The following PGM2 variants were observed in gnomAD, a reference collection of about 807,000 sequenced individuals.
PGM2 encodes the protein phosphopentomutase.
PGM2 carries 57 observed loss-of-function variants against 74.6 expected under a neutral mutation model. That is an observed-to-expected ratio of 0.76 (90% CI 0.62 to 0.95). The LOEUF is 0.95. PGM2 is among the 40% of genes least tolerant of loss of function. The pLI is 0.00. For synonymous variants in PGM2, 273 were observed against 260.7 expected (o/e 1.05, Z -0.46); for missense variants, 706 against 741.9 (o/e 0.95, Z 0.56).
At chr4:37,827,117 G>T (rs893826194) in intron 1 of PGM2, among the ~76,000 whole-genome samples, 3 of 152,198 alleles carry the variant, frequency 2.0e-5, no homozygotes, top group Non-Finnish European at 4.4e-5. Context: ...GACCCTGGAC[G>T]CTGTCTAGTT....
chr4:37,834,757 A>T, intron 3 of PGM2, 33 bp downstream of exon 3: 2 of 1,066,626 alleles, frequency 1.9e-6, no homozygotes, highest in Admixed American at 4.1e-5. Context: ...TGATGTTTTT[A>T]TAATTTATTT....
chr4:37,826,689 T>C lies in PGM2; in HGVS notation c.-44T>C, dbSNP rs2152173203. The C allele has an allele frequency of 6.8e-7, 1 of 1,461,544 alleles. No individual in the cohort carries two copies. Among genetic ancestry groups the C allele is most frequent in the East Asian group, 2.5e-5 (1 of 40,348 alleles). The allele number at this position is 1,461,544 out of a possible 1,614,324, so 90.5% of individuals were successfully genotyped here. On this transcript the variant is annotated 5_prime_UTR_variant, in exon 1 of 14. Transcript: ENST00000381967. The stretch of plus-strand genomic sequence containing the variant: ...TCTTGGGGCCGGGCCGGAAGGCAGA[T>C]CTCACCGCCTGCTTCCCTCTGCAGC...
Position 37,862,416 on chromosome 4 carries a change from G to A in PGM2, c.*804G>A, listed in dbSNP as rs1000488819. Reference sequence around the variant, plus strand: ...GGTTTGGAGGCAGCAAGACCTATGAGCAAGAACTATTTACTTGACCCTCGT... The same window carrying A: ...GGTTTGGAGGCAGCAAGACCTATGAACAAGAACTATTTACTTGACCCTCGT... On this transcript the variant is annotated 3_prime_UTR_variant, in exon 14 of 14. Transcript: ENST00000381967. 4 of 152,064 alleles carry A rather than the reference G, an allele frequency of 2.6e-5. No homozygotes were observed. Among genetic ancestry groups the A allele is most frequent in the Non-Finnish European group, 5.9e-5 (4 of 67,986 alleles). The allele number at this position is 152,064 out of a possible 1,614,324, so 9.4% of individuals were successfully genotyped here. A position where few individuals can be genotyped will look rare whatever the true frequency, so the allele number is the denominator to read the frequency against.
intron 13 of PGM2, among the ~76,000 whole-genome samples, chr4:37,857,298 C>A (rs1424230596): frequency 1.3e-5 from 2 of 152,240 alleles, no homozygotes; most frequent in East Asian, 3.9e-4. Flanking sequence ...CATAGACAAA[C>A]CAAAGCTTTG....
rs376186917 is a variant in PGM2 at position 37,840,962 on chromosome 4, G to GTATA, written c.719+704_719+705insATAT. On this transcript the variant is annotated intron_variant, in intron 6 of 13. Coordinates refer to ENST00000381967, the MANE Select transcript of PGM2 (RefSeq NM_018290.4). ...CATACATGTAAGTGTGTGTGTGTGT[G>GTATA]TGTATATATATATATATATATGTAT... 5.9e-4 allele frequency among the ~76,000 whole-genome samples: 83 copies of GTATA among 140,940 alleles called. 1 individual carries two copies. Among genetic ancestry groups the GTATA allele is most frequent in the East Asian group, 8.6e-4 (4 of 4,658 alleles). 92.5% of individuals were successfully genotyped at this position (140,940 alleles called of 152,430 possible).
intron 13 of PGM2, among the ~76,000 whole-genome samples, chr4:37,858,538 C>T (rs1474068094): frequency 5.5e-5 from 8 of 144,968 alleles, no homozygotes; most frequent in Non-Finnish European, 1.2e-4. Context: ...TTAGTAGAGA[C>T]AAGGTTTCAT....
In PGM2 at chr4:37,830,096, C is replaced by T. The variant is rs201199256; in HGVS notation, c.214C>T (p.Arg72Cys). 5.6e-6 allele frequency: 9 copies of T among 1,593,046 alleles called. No homozygotes were observed. In the East Asian group the frequency reaches 6.8e-5, roughly 12 times the overall value. ...LRAAMGPGISRMNDLTIIQTT... is the reference protein window; with the variant it reads ...LRAAMGPGISCMNDLTIIQTT... ...AGCTGCTATGGGACCTGGAATTTCT[C>T]GTATGAATGACTTGACCATCATCCA... is the stretch of plus-strand genomic sequence containing the variant. The change falls in exon 2 of 14, where the codon CGT (arginine) becomes TGT (cysteine). Residue 72 changes from arginine (R) to cysteine (C), a missense_variant. By Grantham distance (180) the Arg-to-Cys change is radical. Coordinates refer to ENST00000381967, the MANE Select transcript of PGM2 (RefSeq NM_018290.4).
At chr4:37,850,079 C>T (rs1042625759) in intron 11 of PGM2, 105 bp from the exon 12 acceptor site, 5 of 659,706 alleles carry the variant, frequency 7.6e-6, no homozygotes, top group African/African-American at 1.9e-5. Context: ...TGACCCACCA[C>T]ACCCAGCCAT....
chr4:37,839,636 T>C, intron 4 of PGM2: 1 of 671,094 alleles, frequency 1.5e-6, no homozygotes. Flanking sequence ...TCACCTTTCT[T>C]ATTAGGAAAT....
chr4:37,860,974 A>T (rs1711752013), intron 13 of PGM2, among the ~76,000 whole-genome samples: 1 of 151,922 alleles, frequency 6.6e-6, no homozygotes, highest in Non-Finnish European at 1.5e-5. Context: ...TTGGTGTTTG[A>T]CTCCTCAAAC....
chr4:37,851,962 T>TTTTCTTTCTTTC lies in PGM2; in HGVS notation c.1602+1591_1602+1592insTCTTTCTTTCTT, dbSNP rs1180339469. 2.8e-4 allele frequency among the ~76,000 whole-genome samples: 18 copies of TTTTCTTTCTTTC among 64,226 alleles called. No homozygotes were observed. In the East Asian group the frequency reaches 3.5e-3, roughly 13 times the overall value. 42.1% of individuals were successfully genotyped at this position (64,226 alleles called of 152,430 possible). A position where few individuals can be genotyped will look rare whatever the true frequency, so the allele number is the denominator to read the frequency against. On this transcript the variant is annotated intron_variant, in intron 12 of 13. Transcript: ENST00000381967. ...TTGTATTTCCTGTACCTTTTGTTTG[T>TTTTCTTTCTTTC]TTGTTTTCTTTTTTTTTGGAGACAG...
intron 6 of PGM2, among the ~76,000 whole-genome samples, chr4:37,842,193 C>T (rs932238810): frequency 6.9e-6 from 1 of 145,842 alleles, no homozygotes; most frequent in Non-Finnish European, 1.5e-5. Flanking sequence ...TACATATATG[C>T]ATATACTATA....
Position 37,855,745 on chromosome 4 carries a change from T to C in PGM2, c.1736+4T>C. ...TGTGTGCCCCACCTGGGAACAGGTA[T>C]GATGTGGATGGCAGCTGGTGTGATT... On this transcript the variant is annotated splice_donor_region_variant and intron_variant, in intron 13 of 13. Coordinates refer to ENST00000381967, the MANE Select transcript of PGM2 (RefSeq NM_018290.4). The C allele has an allele frequency of 6.3e-7, 1 of 1,597,084 alleles. No individual in the cohort carries two copies. The highest frequency in any genetic ancestry group is 8.5e-7 in the Non-Finnish European group (1 of 1,173,002).
rs767117630 is a variant in PGM2, at chr4:37,850,288, A to T, written c.1517A>T (p.Tyr506Phe). The part of the protein sequence containing the change: ...NLRNYDGKNN[Y>F]PKACGKFEIS... ...AGAAACTACGATGGAAAAAATAATT[A>T]TCCAAAAGCTTGTGGCAAATTTGAA... is the stretch of plus-strand genomic sequence containing the variant. The change falls in exon 12 of 14, where the codon TAT becomes TTT. Residue 506 changes from tyrosine (Y) to phenylalanine (F), a missense_variant. Tyr to Phe is a conservative substitution (Grantham distance 22). This residue lies in a region of PGM2 where 359 missense variants were observed against 371.1 expected (regional missense o/e 0.97). Coordinates refer to ENST00000381967, the MANE Select transcript of PGM2 (RefSeq NM_018290.4). 6.3e-7 allele frequency: 1 copy of T among 1,592,846 alleles called. No individual in the cohort carries two copies. The highest frequency in any genetic ancestry group is 8.5e-7 in the Non-Finnish European group (1 of 1,172,990).
At position 37,841,158 on chromosome 4, in the gene PGM2, T is replaced by TTGTGTGTGTGTGTGTG. The variant is rs34512739; in HGVS notation, c.719+914_719+929dup. Among the ~76,000 whole-genome samples, 790 of 101,456 alleles carry TTGTGTGTGTGTGTGTG rather than the reference T, an allele frequency of 7.8e-3. 12 individuals carry two copies. Among genetic ancestry groups the TTGTGTGTGTGTGTGTG allele is most frequent in the African/African-American group, 0.032 (601 of 18,710 alleles). 66.6% of individuals were successfully genotyped at this position (101,456 alleles called of 152,430 possible). ...ACTTCAAAACCATAAATAGGAATAT[T>TTGTGTGTGTGTGTGTG]TGTGTGTGTGTGTGTGTGTGTGTGT... On this transcript the variant is annotated intron_variant, in intron 6 of 13. Transcript: ENST00000381967.
chr4:37,829,496 A>G (rs188768290), intron 1 of PGM2, among the ~76,000 whole-genome samples: 6 of 152,354 alleles, frequency 3.9e-5, no homozygotes, highest in Non-Finnish European at 1.5e-5. Flanking sequence ...CATTAGGGAA[A>G]AAAATGGACA....
At chr4:37,853,988 T>A (rs907962817) in intron 12 of PGM2, among the ~76,000 whole-genome samples, 1 of 152,320 alleles carries the variant, frequency 6.6e-6, no homozygotes, top group African/African-American at 2.4e-5. Context: ...CACATCTGCC[T>A]TTTGCAGTAC....
rs1160664731 is a variant in PGM2 at position 37,845,646 on chromosome 4, C to G, written c.923C>G (p.Ala308Gly). 1.2e-5 allele frequency: 20 copies of G among 1,608,256 alleles called. No homozygotes were observed. Among genetic ancestry groups the G allele is most frequent in the Non-Finnish European group, 1.7e-5 (20 of 1,174,806 alleles). The change falls in exon 8 of 14, where the codon GCT (alanine) becomes GGT (glycine). Residue 308 changes from alanine to glycine, a missense_variant. Physicochemically the swap from Ala to Gly is moderately conservative, Grantham distance 60 (BLOSUM62 0). Around this residue, in one of 3 missense-constraint regions of PGM2, gnomAD observed 359 missense variants for 371.1 expected, o/e 0.97. Transcript: ENST00000381967. ...EGKGVLTLSF[A>G]LADKTKARIV... ...ATTCTTCTTCAGACTTTGTCTTTTGCTTTGGCTGACAAAACCAAGGCCAGA... is the reference window on the plus strand; with the variant it reads ...ATTCTTCTTCAGACTTTGTCTTTTGGTTTGGCTGACAAAACCAAGGCCAGA...
intron 13 of PGM2, among the ~76,000 whole-genome samples, chr4:37,856,215 C>G (rs1375550117): frequency 6.6e-6 from 1 of 151,858 alleles, no homozygotes; most frequent in Non-Finnish European, 1.5e-5. Flanking sequence ...GAAACCCCGT[C>G]TCTACTAAAA....
Sources: allele counts gnomAD v4.1 joint callset (sites outside exome capture counted in the v4.1 genomes callset), GRCh38; gene constraint gnomAD v4.1.1; regional missense constraint gnomAD v4.1.1; transcripts MANE v1.5; gene names NCBI Gene and HGNC (gene_info 2026-07-23, HGNC 2026-07-21).